Variants in RGS7 observed in about 807,000 individuals in gnomAD.
RGS7 encodes the protein regulator of G protein signaling 7.
Under a neutral mutation model 81.1 loss-of-function variants are expected in RGS7, and 27 were observed. The ratio of observed to expected loss-of-function variants is 0.33; its 90% CI spans 0.25 to 0.46. RGS7 has a LOEUF of 0.46. RGS7 is among the 20% of genes least tolerant of loss of function. The pLI is 1.00. For synonymous variants in RGS7, 208 were observed against 207.7 expected (o/e 1.00, Z -0.01); for missense variants, 396 against 607.4 (o/e 0.65, Z 3.66).
chr1:241,189,863 C>G (rs2072462078), intron 2 of RGS7, among the ~76,000 whole-genome samples: 1 of 152,128 alleles, frequency 6.6e-6, no homozygotes, highest in Non-Finnish European at 1.5e-5. Context: ...CGTCTGTAAT[C>G]CCAGCACTTT....
intron 2 of RGS7, among the ~76,000 whole-genome samples, chr1:241,279,956 C>T (rs915979690): frequency 1.3e-5 from 2 of 152,076 alleles, no homozygotes; most frequent in African/African-American, 4.8e-5. Flanking sequence ...TTTAACCAAT[C>T]CCCTGTGGAA....
intron 11 of RGS7, among the ~76,000 whole-genome samples, chr1:240,815,439 T>C (rs1690645773): frequency 2.0e-5 from 3 of 152,174 alleles, no homozygotes; most frequent in Admixed American, 2.0e-4. Flanking sequence ...AGAAAATAAA[T>C]GTATTTATTA....
At chr1:241,193,029 C>A (rs549478151) in intron 2 of RGS7, among the ~76,000 whole-genome samples, 18 of 152,250 alleles carry the variant, frequency 1.2e-4, no homozygotes, top group African/African-American at 4.1e-4. Flanking sequence ...TAATAATGGG[C>A]AGGTTCTGAA....
intron 9 of RGS7, among the ~76,000 whole-genome samples, chr1:240,843,691 C>A (rs2147892971): frequency 6.6e-6 from 1 of 152,250 alleles, no homozygotes; most frequent in South Asian, 2.1e-4. Context: ...GAGGAGAAAT[C>A]TAGAGTTTTT....
chr1:241,181,614 G>T (rs2071627301), intron 2 of RGS7, among the ~76,000 whole-genome samples: 1 of 152,178 alleles, frequency 6.6e-6, no homozygotes, highest in South Asian at 2.1e-4. Flanking sequence ...GTTACAGGAG[G>T]ATACAGAAGA....
At chr1:240,864,885 TGA>T (rs1662943740) in intron 9 of RGS7, among the ~76,000 whole-genome samples, 2 of 152,162 alleles carry the variant, frequency 1.3e-5, no homozygotes, top group Admixed American at 1.3e-4. Flanking sequence ...TTGTCCTCTG[TGA>T]GATTCATAGA....
At chr1:240,985,039 G>C (rs1327313486) in intron 3 of RGS7, among the ~76,000 whole-genome samples, 1 of 152,176 alleles carries the variant, frequency 6.6e-6, no homozygotes, top group East Asian at 1.9e-4. Flanking sequence ...AGCTCTAAGG[G>C]TCAAATGGAA....
chr1:241,038,448 T>C lies in RGS7; in HGVS notation c.176-55319A>G, dbSNP rs895003648. On this transcript the variant is annotated intron_variant, in intron 3 of 18. Coordinates refer to ENST00000440928, the MANE Select transcript of RGS7 (RefSeq NM_001364886.1). ...AGGCCACAACATATCCATAATTATGTTGAGAAAGAAGCACTGGGCAAAAGA... is the reference window on the plus strand; with the variant it reads ...AGGCCACAACATATCCATAATTATGCTGAGAAAGAAGCACTGGGCAAAAGA... Among the ~76,000 whole-genome samples, 4 of 152,194 alleles carry C rather than the reference T, an allele frequency of 2.6e-5. No homozygotes were observed. In the East Asian group the frequency reaches 5.8e-4, roughly 22 times the overall value.
At chr1:241,140,731 C>T (rs2067866073) in intron 2 of RGS7, among the ~76,000 whole-genome samples, 2 of 152,154 alleles carry the variant, frequency 1.3e-5, no homozygotes, top group Admixed American at 1.3e-4. Flanking sequence ...ATCTTTAACT[C>T]TCATTTTTCA....
chr1:240,889,533 G>A (rs1176499552), intron 6 of RGS7, among the ~76,000 whole-genome samples: 3 of 152,152 alleles, frequency 2.0e-5, no homozygotes, highest in African/African-American at 7.2e-5. Context: ...GGAGCTGTGA[G>A]AGCAGTGATA....
At chr1:241,356,811 G>T (rs2083610130) in intron 1 of RGS7, 88 bp downstream of exon 1, 1 of 150,272 alleles carries the variant, frequency 6.7e-6, no homozygotes, top group Non-Finnish European at 1.5e-5. Context: ...GGACGCTCCC[G>T]CTGCGCAGAG....
At chr1:241,114,677 T>A (rs545352976) in intron 2 of RGS7, among the ~76,000 whole-genome samples, 5 of 152,180 alleles carry the variant, frequency 3.3e-5, no homozygotes, top group Non-Finnish European at 7.3e-5. Flanking sequence ...AATAGATTAT[T>A]CCTGTGTATA....
chr1:240,843,568 A>T (rs1004706350), intron 9 of RGS7, among the ~76,000 whole-genome samples: 1 of 152,180 alleles, frequency 6.6e-6, no homozygotes, highest in African/African-American at 2.4e-5. Flanking sequence ...GCCCGGCCTG[A>T]CACATATCTT....
intron 3 of RGS7, among the ~76,000 whole-genome samples, chr1:241,046,161 AT>A (rs2060913101): frequency 6.6e-6 from 1 of 151,900 alleles, no homozygotes; most frequent in Non-Finnish European, 1.5e-5. Context: ...TTTTCAAAAA[AT>A]TTCAACTTTA....
At chr1:241,061,247 G>A (rs1382266140) in intron 3 of RGS7, among the ~76,000 whole-genome samples, 1 of 152,126 alleles carries the variant, frequency 6.6e-6, no homozygotes, top group African/African-American at 2.4e-5. Context: ...CTCTTGTAAA[G>A]GTCACTGTAT....
chr1:240,840,661 T>C (rs1657778301), intron 9 of RGS7, among the ~76,000 whole-genome samples: 1 of 152,216 alleles, frequency 6.6e-6, no homozygotes, highest in Admixed American at 6.5e-5. Flanking sequence ...CTCGATCACA[T>C]CACCTTGCTT....
intron 3 of RGS7, among the ~76,000 whole-genome samples, chr1:241,082,940 T>A (rs1247977673): frequency 5.9e-5 from 9 of 152,102 alleles, no homozygotes; most frequent in Admixed American, 1.3e-4. Context: ...AAGAATTATA[T>A]TAGGCTGGGT....
chr1:240,783,430 C>T (rs899484393), intron 18 of RGS7, among the ~76,000 whole-genome samples: 9 of 150,256 alleles, frequency 6.0e-5, no homozygotes, highest in East Asian at 2.0e-4. Context: ...GAGACCAGCA[C>T]GGCCAACATG....
intron 3 of RGS7, among the ~76,000 whole-genome samples, chr1:240,997,700 T>C (rs1687506307): frequency 6.6e-6 from 1 of 152,164 alleles, no homozygotes; most frequent in African/African-American, 2.4e-5. Flanking sequence ...GGCACATGCC[T>C]GTAATCCCAG....
Sources: gnomAD v4.1 joint callset for allele counts (sites outside exome capture counted in the v4.1 genomes callset) on GRCh38, gnomAD v4.1.1 for gene constraint, MANE v1.5 for transcripts, NCBI Gene and HGNC (gene_info 2026-07-23, HGNC 2026-07-21) for gene names.